DLC1: variants seen among roughly 807,000 people sequenced by gnomAD.
DLC1 encodes rho GTPase-activating protein 7.
Under a neutral mutation model 140.3 loss-of-function variants are expected in DLC1, and 54 were observed. The observed-to-expected ratio is 0.38, with a 90% CI of 0.31 to 0.48. The LOEUF (loss-of-function observed/expected upper bound fraction) is 0.48. DLC1 is among the 20% of genes least tolerant of loss of function. DLC1 has a pLI of 0.96. For missense variants in DLC1, 2,536 were observed against 1,907.0 expected (o/e 1.33, Z -6.14); for synonymous variants, 986 against 728.1 (o/e 1.35, Z -5.70).
At chr8:13,304,783 G>A in intron 5 of DLC1, 2 of 956,480 alleles carry the variant, frequency 2.1e-6, no homozygotes, top group Non-Finnish European at 2.5e-6. Flanking sequence ...TATAATTAAA[G>A]CACAGAACAC....
In DLC1 at chr8:13,366,797, G is replaced by A. The variant is rs542834743; in HGVS notation, c.1314+26756C>T. On this transcript the variant is annotated intron_variant, in intron 4 of 17. Coordinates refer to ENST00000276297, the MANE Select transcript of DLC1 (RefSeq NM_182643.3). ...AGACCAAGGTCTCCCTTTCCCCTCT[G>A]GGTCGAAGGCCACCCAGCTGTACTT... is the stretch of plus-strand genomic sequence containing the variant. Among the ~76,000 whole-genome samples, 3 of 152,168 alleles carry A rather than the reference G, an allele frequency of 2.0e-5. No homozygotes were observed. The South Asian group carries it at 6.3e-4, about 32-fold the overall frequency.
chr8:13,436,092 C>G (rs1444245980), intron 2 of DLC1, among the ~76,000 whole-genome samples: 1 of 152,190 alleles, frequency 6.6e-6, no homozygotes, highest in African/African-American at 2.4e-5. Flanking sequence ...ATAGTGTAAA[C>G]ATAACTTTTA....
At chr8:13,495,987 C>T (rs974488617) in intron 2 of DLC1, among the ~76,000 whole-genome samples, 2 of 152,168 alleles carry the variant, frequency 1.3e-5, no homozygotes, top group African/African-American at 4.8e-5. Context: ...GATTACAATT[C>T]CATAACTAAA....
rs532110751 is a variant in DLC1, at chr8:13,171,018, G to A, written c.1349-55361C>T. ...AACTATAACTCATGTTATGTTTACT[G>A]ATTATCAGAAGATGGTATGTGGAGC... On this transcript the variant is annotated intron_variant, in intron 5 of 17. Transcript: ENST00000276297. Among the ~76,000 whole-genome samples, 80 of 152,314 alleles carry A rather than the reference G, an allele frequency of 5.3e-4. 1 individual carries two copies. The highest frequency in any genetic ancestry group is 3.7e-3 in the Admixed American group (56 of 15,298).
intron 2 of DLC1, among the ~76,000 whole-genome samples, chr8:13,415,651 G>A (rs1178717690): frequency 6.6e-6 from 1 of 151,994 alleles, no homozygotes; most frequent in African/African-American, 2.4e-5. Context: ...TGCCTGCCTT[G>A]GCCTCTCAAA....
chr8:13,155,877 C>A (rs573024047), intron 5 of DLC1, among the ~76,000 whole-genome samples: 5 of 152,128 alleles, frequency 3.3e-5, no homozygotes, highest in African/African-American at 9.7e-5. Flanking sequence ...AACCTTCTAA[C>A]TAGTTTTTAT....
chr8:13,549,181 C>T (rs1248910068), intron 1 of DLC1, among the ~76,000 whole-genome samples: 1 of 151,932 alleles, frequency 6.6e-6, no homozygotes, highest in African/African-American at 2.4e-5. Flanking sequence ...GAAATTAAAT[C>T]AGGTTGCTCA....
chr8:13,456,918 C>A (rs76767778), intron 2 of DLC1, among the ~76,000 whole-genome samples: 9 of 152,180 alleles, frequency 5.9e-5, no homozygotes, highest in African/African-American at 1.7e-4. Flanking sequence ...TCAATTAAAT[C>A]GGCAGGGTTA....
At chr8:13,136,018 C>T (rs890007048) in intron 5 of DLC1, among the ~76,000 whole-genome samples, 6 of 152,200 alleles carry the variant, frequency 3.9e-5, no homozygotes, top group African/African-American at 1.4e-4. Context: ...TCTATTGACA[C>T]AGCCTGTGAC....
rs60996497 is a variant in DLC1 at position 13,579,361 on chromosome 8, A to ATTT, written c.-126+25173_-126+25175dup. ...TATATATATATATATATATATATAT[A>ATTT]TTTTTATATAATACATATTTATATA... On this transcript the variant is annotated intron_variant, in intron 1 of 1. Transcript: ENST00000631382. Among the ~76,000 whole-genome samples the ATTT allele has an allele frequency of 2.0e-4, 5 of 25,486 alleles. 2 individuals carry two copies. The highest frequency in any genetic ancestry group is 1.1e-3 in the African/African-American group (5 of 4,574). 16.7% of individuals were successfully genotyped at this position (25,486 alleles called of 152,430 possible).
At chr8:13,170,763 T>C (rs932766363) in intron 5 of DLC1, among the ~76,000 whole-genome samples, 9 of 149,470 alleles carry the variant, frequency 6.0e-5, no homozygotes, top group African/African-American at 2.2e-4. Context: ...TTCTGTATAA[T>C]GTGTGTTGCA....
In DLC1 at chr8:13,090,357, G is replaced by A. The variant is rs372242330; in HGVS notation, c.3969C>T (p.His1323=). 18 of 1,614,098 alleles carry A rather than the reference G, an allele frequency of 1.1e-5. No homozygotes were observed. The highest frequency in any genetic ancestry group is 1.5e-5 in the Non-Finnish European group (18 of 1,180,054). ...LGNDDSADYQ[H]FLQDCVDGLF... ...GGCCATCCACACAGTCCTGGAGGAA[G>A]TGTTGGTAGTCAGCTGAGTCATCAT... is the stretch of plus-strand genomic sequence containing the variant. The change falls in exon 15 of 18, where the codon CAC becomes CAT. Residue 1323 remains histidine (H), a synonymous_variant. Transcript: ENST00000276297.
intron 5 of DLC1, among the ~76,000 whole-genome samples, chr8:13,300,872 G>A (rs567323871): frequency 1.3e-5 from 2 of 152,338 alleles, no homozygotes; most frequent in Non-Finnish European, 2.9e-5. Flanking sequence ...TAATAGACTG[G>A]TGTAATGATT....
chr8:13,103,567 G>A (rs1231260318), intron 7 of DLC1, among the ~76,000 whole-genome samples: 2 of 151,656 alleles, frequency 1.3e-5, no homozygotes, highest in African/African-American at 2.4e-5. Flanking sequence ...GACTCGGCAC[G>A]GTGGCTCATG....
At chr8:13,312,253 C>G (rs917049539) in intron 4 of DLC1, among the ~76,000 whole-genome samples, 3 of 127,690 alleles carry the variant, frequency 2.3e-5, no homozygotes, top group Non-Finnish European at 4.9e-5. Flanking sequence ...CCCAGCTACT[C>G]GGGAGGCTGA....
chr8:13,480,877 C>T (rs1273516486), intron 2 of DLC1, among the ~76,000 whole-genome samples: 1 of 152,076 alleles, frequency 6.6e-6, no homozygotes, highest in Non-Finnish European at 1.5e-5. Context: ...GCACTGCAGC[C>T]TGGGCAACAG....
intron 2 of DLC1, among the ~76,000 whole-genome samples, chr8:13,444,414 A>T (rs900154836): frequency 6.6e-6 from 1 of 152,176 alleles, no homozygotes; most frequent in East Asian, 1.9e-4. Context: ...AAACCTGCAC[A>T]TTATGCACAT....
chr8:13,407,345 C>A (rs1837614371), intron 2 of DLC1, among the ~76,000 whole-genome samples: 1 of 152,178 alleles, frequency 6.6e-6, no homozygotes, highest in African/African-American at 2.4e-5. Flanking sequence ...CTGCTTCTTT[C>A]CTTCCATCTG....
chr8:13,487,181 A>G lies in DLC1; in HGVS notation c.1023+11868T>C, dbSNP rs537850837. On this transcript the variant is annotated intron_variant, in intron 2 of 17. Transcript: ENST00000276297. Reference sequence around the variant, plus strand: ...CACCTCTTCTACTCCAGGTTTCAACAAAGAGTATACTTTTGCAAGAAGCAA... The same window carrying G: ...CACCTCTTCTACTCCAGGTTTCAACGAAGAGTATACTTTTGCAAGAAGCAA... 4.9e-4 allele frequency among the ~76,000 whole-genome samples: 74 copies of G among 152,334 alleles called. 1 individual carries two copies. Among genetic ancestry groups the G allele is most frequent in the Admixed American group, 4.7e-3 (72 of 15,298 alleles).
Sources: allele counts gnomAD v4.1 joint callset (sites outside exome capture counted in the v4.1 genomes callset), GRCh38; gene constraint gnomAD v4.1.1; transcripts MANE v1.5; gene names NCBI Gene and HGNC (gene_info 2026-07-23, HGNC 2026-07-21).